Variants in LFNG observed in about 807,000 individuals in gnomAD.
LFNG encodes the protein LFNG O-fucosylpeptide 3-beta-N-acetylglucosaminyltransferase.
Under a neutral mutation model 32.7 loss-of-function variants are expected in LFNG, and 15 were observed. That is an observed-to-expected ratio of 0.46 (90% confidence interval 0.31 to 0.71). LFNG has a LOEUF of 0.71. Among genes scored for constraint, LFNG ranks in the 30% least tolerant of loss-of-function variants. The pLI, the probability that LFNG is intolerant of heterozygous loss-of-function variation, is 0.06. For synonymous variants in LFNG, 274 were observed against 246.8 expected (o/e 1.11, Z -1.03); for missense variants, 520 against 545.7 (o/e 0.95, Z 0.47).
In LFNG at chr7:2,520,111, G is replaced by A; in HGVS notation, c.250G>A (p.Ala84Thr). The A allele has an allele frequency of 7.4e-7, 1 of 1,348,620 alleles. No homozygotes were observed. Among genetic ancestry groups the A allele is most frequent in the Non-Finnish European group, 9.6e-7 (1 of 1,040,152 alleles). 83.5% of individuals were successfully genotyped at this position (1,348,620 alleles called of 1,614,324 possible). A position where few individuals can be genotyped will look rare whatever the true frequency, so the allele number is the denominator to read the frequency against. Residue 84 changes from alanine (A) to threonine (T), a missense_variant, in exon 1 of 8, where the codon GCG (alanine) becomes ACG (threonine). Physicochemically the swap from Ala to Thr is moderately conservative, Grantham distance 58. Coordinates refer to ENST00000222725, the MANE Select transcript of LFNG (RefSeq NM_001040167.2). This position sits in a 1 kb window ranked among gnomAD's most constrained non-coding sequence, Gnocchi z 5.0. ...LSEYFSLLTR[A>T]RRDAGPPPGA... ...CGAGTACTTCAGCCTGCTCACCCGCGCGCGCAGAGATGCGGGCCCGCCGCC... is the reference window on the plus strand; with the variant it reads ...CGAGTACTTCAGCCTGCTCACCCGCACGCGCAGAGATGCGGGCCCGCCGCC...
chr7:2,521,179 T>C (rs1779777542), intron 1 of LFNG, among the ~76,000 whole-genome samples: 2 of 148,934 alleles, frequency 1.3e-5, no homozygotes. Flanking sequence ...TTTGGGGCAC[T>C]GTGGGTGGGT....
chr7:2,517,571 G>A (rs544330662), upstream of LFNG: 14 of 413,384 alleles, frequency 3.4e-5, no homozygotes, highest in African/African-American at 2.9e-4. Context: ...AGCAGGAGTT[G>A]CGGGGGTGGG....
upstream of LFNG, among the ~76,000 whole-genome samples, chr7:2,513,914 C>G (rs999655705): frequency 6.6e-6 from 1 of 152,250 alleles, no homozygotes; most frequent in Non-Finnish European, 1.5e-5. Flanking sequence ...CCAGGCCTGC[C>G]GTCCTCCTGG....
chr7:2,523,783 C>G (rs1353975439), intron 1 of LFNG: 2 of 152,372 alleles, frequency 1.3e-5, no homozygotes, highest in African/African-American at 4.8e-5. Flanking sequence ...TGCATGGGTA[C>G]TGGGGGCCCC....
chr7:2,520,148 C>G lies in LFNG; in HGVS notation c.287C>G (p.Pro96Arg), dbSNP rs1468105982. The change falls in exon 1 of 8, where the codon CCC (proline) becomes CGC (arginine). Residue 96 changes from proline to arginine, a missense_variant. Pro to Arg is a moderately radical substitution (Grantham distance 103). Coordinates refer to ENST00000222725, the MANE Select transcript of LFNG (RefSeq NM_001040167.2). The surrounding 1 kb of genome is among the most constrained non-coding windows in gnomAD (Gnocchi z 5.0). ...RDAGPPPGAAPRPADGHPRPL... is the reference protein window; with the variant it reads ...RDAGPPPGAARRPADGHPRPL... ...GCGGGCCCGCCGCCCGGGGCTGCCC[C>G]CCGCCCCGCCGACGGCCACCCGCGC... 8 of 1,443,842 alleles carry G rather than the reference C, an allele frequency of 5.5e-6. No homozygotes were observed. The highest frequency in any genetic ancestry group is 7.3e-6 in the Non-Finnish European group (8 of 1,092,564). The allele number at this position is 1,443,842 out of a possible 1,614,324, so 89.4% of individuals were successfully genotyped here. A position where few individuals can be genotyped will look rare whatever the true frequency, so the allele number is the denominator to read the frequency against.
chr7:2,527,787 G>C lies in LFNG; in HGVS notation c.*575G>C. 3 of 1,004,278 alleles carry C rather than the reference G, an allele frequency of 3.0e-6. No homozygotes were observed. The highest frequency in any genetic ancestry group is 3.6e-6 in the Non-Finnish European group (3 of 839,884). The allele number at this position is 1,004,278 out of a possible 1,614,324, so 62.2% of individuals were successfully genotyped here. ...TAACAGCAGCCACCGCCCAGTTCCA[G>C]TGGCCCCACGAAGCCCCCAGTGGCT... On this transcript the variant is annotated 3_prime_UTR_variant, in exon 8 of 8. Coordinates refer to ENST00000222725, the MANE Select transcript of LFNG (RefSeq NM_001040167.2). The surrounding 1 kb of genome is among the most constrained non-coding windows in gnomAD (Gnocchi z 4.4).
upstream of LFNG, among the ~76,000 whole-genome samples, chr7:2,516,229 A>G (rs1300185213): frequency 1.3e-5 from 2 of 152,218 alleles, no homozygotes; most frequent in Admixed American, 6.5e-5. Context: ...CTACTGGCCC[A>G]GAGGAAGCTG....
upstream of LFNG, chr7:2,518,710 G>T (rs1779691913): frequency 1.1e-5 from 16 of 1,450,802 alleles, no homozygotes; most frequent in South Asian, 2.1e-4. Context: ...TGGTCGTGGT[G>T]GTCGCAGAGA....
At chr7:2,524,635 C>A in intron 1 of LFNG, 60 bp from the exon 2 acceptor site, 2 of 1,520,824 alleles carry the variant, frequency 1.3e-6, no homozygotes, top group South Asian at 1.2e-5. Context: ...CCGGCCCCCA[C>A]AGATGGCCCT....
At chr7:2,517,941 G>A, upstream of LFNG, 1 of 1,152,586 alleles carries the variant, frequency 8.7e-7, no homozygotes, top group Non-Finnish European at 1.1e-6. Flanking sequence ...AATAAGTAAA[G>A]CAGGTAGGAT....
upstream of LFNG, among the ~76,000 whole-genome samples, chr7:2,514,641 T>C (rs1410212989): frequency 1.3e-5 from 2 of 151,646 alleles, no homozygotes. Context: ...CATTCATCCA[T>C]GCATCCATCC....
In LFNG at chr7:2,528,373, A is replaced by G; in HGVS notation, c.*1161A>G. ...AAGGGAAAAGTTCTCAGGGAATTGA[A>G]GTGTTGTTGCTATGGTGACGTCCTT... On this transcript the variant is annotated 3_prime_UTR_variant, in exon 8 of 8. Coordinates refer to ENST00000222725, the MANE Select transcript of LFNG (RefSeq NM_001040167.2). The G allele has an allele frequency of 1.0e-6, 1 of 986,404 alleles. No individual in the cohort carries two copies. Among genetic ancestry groups the G allele is most frequent in the Non-Finnish European group, 1.2e-6 (1 of 830,168 alleles). The allele number at this position is 986,404 out of a possible 1,614,324, so 61.1% of individuals were successfully genotyped here. A position where few individuals can be genotyped will look rare whatever the true frequency, so the allele number is the denominator to read the frequency against.
At chr7:2,514,463 T>C (rs1779559648), upstream of LFNG, among the ~76,000 whole-genome samples, 1 of 152,234 alleles carries the variant, frequency 6.6e-6, no homozygotes, top group Non-Finnish European at 1.5e-5. Flanking sequence ...TGTGTCTATG[T>C]GTCTGTCCAT....
intron 1 of LFNG, among the ~76,000 whole-genome samples, chr7:2,524,082 C>T (rs947724246): frequency 6.6e-6 from 1 of 152,200 alleles, no homozygotes; most frequent in Non-Finnish European, 1.5e-5. Context: ...GCCGGCCCGG[C>T]GCCCCTCTCC....
chr7:2,512,686 A>T, exon 1 of LFNG: 1 of 1,613,834 alleles, frequency 6.2e-7, no homozygotes, highest in Non-Finnish European at 8.5e-7. Context: ...CTCAGGCTGG[A>T]CACGTATTGT....
At chr7:2,514,859 T>TATCCATCCATCCATCCATCCATTC (rs1779581088), upstream of LFNG, among the ~76,000 whole-genome samples, 1 of 136,662 alleles carries the variant, frequency 7.3e-6, no homozygotes, top group Non-Finnish European at 1.6e-5. Flanking sequence ...TCCATTCATC[T>TATCCATCCATCCATCCATCCATTC]GTCTATCCAT....
At chr7:2,521,081 A>G (rs1562551849) in intron 1 of LFNG, among the ~76,000 whole-genome samples, 1 of 151,200 alleles carries the variant, frequency 6.6e-6, no homozygotes. Flanking sequence ...ATTTGCTGTG[A>G]GGGTGGGGGC....
Position 2,520,243 on chromosome 7 carries a change from G to A in LFNG, c.382G>A (p.Ala128Thr). ...AVKTTKKFHR[A>T]RLDLLLETWI... The stretch of plus-strand genomic sequence containing the variant: ...CAAGACCACCAAAAAGTTCCACCGC[G>A]CGCGCCTCGACCTGCTGCTGGAGAC... Residue 128 changes from alanine to threonine, a missense_variant, in exon 1 of 8, where the codon GCG becomes ACG. Ala to Thr is a moderately conservative substitution (Grantham distance 58). Around this residue, in one of 3 missense-constraint regions of LFNG, gnomAD observed 360 missense variants for 354.7 expected, o/e 1.01. Transcript: ENST00000222725. This position sits in a 1 kb window ranked among gnomAD's most constrained non-coding sequence, Gnocchi z 5.0. 1 of 1,609,310 alleles carries A rather than the reference G, an allele frequency of 6.2e-7. No homozygotes were observed. Among genetic ancestry groups the A allele is most frequent in the Non-Finnish European group, 8.5e-7 (1 of 1,178,430 alleles).
intron 2 of LFNG, 35 bp from the exon 3 acceptor site, chr7:2,525,184 C>G: frequency 6.3e-7 from 1 of 1,585,698 alleles, no homozygotes; most frequent in Non-Finnish European, 8.6e-7. Context: ...TGGGAGCCGG[C>G]TCAGACCTAC....
Sources: gnomAD v4.1 joint callset for allele counts (sites outside exome capture counted in the v4.1 genomes callset) on GRCh38, gnomAD v4.1.1 for gene constraint, gnomAD v4.1.1 regional missense constraint, Gnocchi (gnomAD v3.1) non-coding constraint, MANE v1.5 for transcripts, NCBI Gene and HGNC (gene_info 2026-07-23, HGNC 2026-07-21) for gene names.